The following ARPC1A variants were observed in gnomAD, a reference collection of about 807,000 sequenced individuals.
ARPC1A encodes the protein actin related protein 2/3 complex subunit 1A.
A neutral mutation model predicts 46.9 loss-of-function variants in ARPC1A; 8 were observed. That is an observed-to-expected ratio of 0.17 (90% CI 0.10 to 0.31). The LOEUF (loss-of-function observed/expected upper bound fraction) is 0.31. Among genes scored for constraint, ARPC1A ranks in the 10% least tolerant of loss-of-function variants. ARPC1A has a pLI of 1.00. For synonymous variants in ARPC1A, 152 were observed against 169.0 expected (o/e 0.90, Z 0.78); for missense variants, 286 against 483.6 (o/e 0.59, Z 3.83).
chr7:99,356,355 A>G (rs1793629096), intron 6 of ARPC1A, among the ~76,000 whole-genome samples: 1 of 152,208 alleles, frequency 6.6e-6, no homozygotes, highest in African/African-American at 2.4e-5. Context: ...CTGTAATCCC[A>G]GCACTTTGGG....
chr7:99,337,034 G>T (rs887172429), intron 2 of ARPC1A, among the ~76,000 whole-genome samples: 1 of 151,996 alleles, frequency 6.6e-6, no homozygotes, highest in African/African-American at 2.4e-5. Context: ...ATGAATACAG[G>T]TCTAGTATCC....
intron 8 of ARPC1A, chr7:99,360,024 G>A (rs1793713368): frequency 4.2e-6 from 2 of 475,430 alleles, no homozygotes; most frequent in Non-Finnish European, 7.7e-6. Flanking sequence ...AGGTGGTGGG[G>A]CCTCAGGGCA....
In ARPC1A at chr7:99,366,174, A is replaced by T. The variant is rs1173565268; in HGVS notation, c.*245A>T. 17 of 502,416 alleles carry T rather than the reference A, an allele frequency of 3.4e-5. No individual in the cohort carries two copies. In the South Asian group the frequency reaches 4.4e-4, roughly 13 times the overall value. 31.1% of individuals were successfully genotyped at this position (502,416 alleles called of 1,614,324 possible). ...AAAGCTTCTCTTTAAGTAGTTTATTATGGAAAATTGTCACACTAACTTAAA... is the reference window on the plus strand; with the variant it reads ...AAAGCTTCTCTTTAAGTAGTTTATTTTGGAAAATTGTCACACTAACTTAAA... On this transcript the variant is annotated 3_prime_UTR_variant, in exon 10 of 10. Transcript: ENST00000262942.
At chr7:99,355,980 A>G (rs1324617122) in intron 6 of ARPC1A, among the ~76,000 whole-genome samples, 1 of 152,194 alleles carries the variant, frequency 6.6e-6, no homozygotes, top group African/African-American at 2.4e-5. Context: ...GTGTCTGTTC[A>G]GCCATAAAGT....
At chr7:99,365,752 G>C (rs756629056) in intron 9 of ARPC1A, 139 bp from the exon 10 acceptor site, 8 of 884,968 alleles carry the variant, frequency 9.0e-6, no homozygotes, top group Non-Finnish European at 1.4e-5. Context: ...AGTCCTGGGA[G>C]ATCCTGTTTC....
At chr7:99,342,465 A>C (rs978503794) in intron 3 of ARPC1A, among the ~76,000 whole-genome samples, 17 of 151,862 alleles carry the variant, frequency 1.1e-4, no homozygotes, top group African/African-American at 3.9e-4. Flanking sequence ...GGATTTCATG[A>C]GCCTGGGAGG....
At chr7:99,348,320 A>G (rs1257029694) in intron 4 of ARPC1A, among the ~76,000 whole-genome samples, 1 of 152,228 alleles carries the variant, frequency 6.6e-6, no homozygotes, top group Non-Finnish European at 1.5e-5. Context: ...CTTACTAATG[A>G]GGACTGCTGA....
chr7:99,343,957 G>T (rs779716565), intron 3 of ARPC1A, among the ~76,000 whole-genome samples: 5 of 152,168 alleles, frequency 3.3e-5, no homozygotes, highest in Non-Finnish European at 7.3e-5. Context: ...TAATAAAGAG[G>T]AAAGAAAGAA....
intron 8 of ARPC1A, 71 bp from the exon 9 acceptor site, chr7:99,363,472 T>G: frequency 9.1e-7 from 1 of 1,098,558 alleles, no homozygotes; most frequent in African/African-American, 1.6e-5. Flanking sequence ...GCCCTTACAC[T>G]ATTAGTCAGG....
chr7:99,331,945 A>G (rs1428640354), intron 1 of ARPC1A, among the ~76,000 whole-genome samples: 1 of 152,102 alleles, frequency 6.6e-6, no homozygotes, highest in Non-Finnish European at 1.5e-5. Flanking sequence ...ATTATAATCA[A>G]CTTTCACTTA....
intron 8 of ARPC1A, among the ~76,000 whole-genome samples, chr7:99,362,588 C>T (rs1450328014): frequency 6.6e-6 from 1 of 150,712 alleles, no homozygotes; most frequent in Non-Finnish European, 1.5e-5. Context: ...GTGATCTGCC[C>T]ACCTCGGCCT....
chr7:99,339,252 C>G (rs1001190696), intron 3 of ARPC1A, among the ~76,000 whole-genome samples: 14 of 152,168 alleles, frequency 9.2e-5, no homozygotes, highest in Non-Finnish European at 7.3e-5. Context: ...CATACATATT[C>G]ATAAACAAGC....
chr7:99,328,725 A>C (rs962937889), intron 1 of ARPC1A, among the ~76,000 whole-genome samples: 1 of 151,944 alleles, frequency 6.6e-6, no homozygotes, highest in Non-Finnish European at 1.5e-5. Context: ...TGAAGTGGGC[A>C]GATCACTTGA....
chr7:99,338,344 T>C, intron 3 of ARPC1A, 59 bp downstream of exon 3: 1 of 1,335,242 alleles, frequency 7.5e-7, no homozygotes, highest in South Asian at 1.4e-5. Flanking sequence ...CTCTTCCTTT[T>C]AGATAAAGAG....
At chr7:99,335,190 A>G (rs1793222388) in intron 2 of ARPC1A, among the ~76,000 whole-genome samples, 1 of 152,056 alleles carries the variant, frequency 6.6e-6, no homozygotes. Context: ...GGGATGCGCT[A>G]TGTCACCCAG....
At chr7:99,352,975 A>T (rs1281088163) in intron 5 of ARPC1A, among the ~76,000 whole-genome samples, 1 of 151,744 alleles carries the variant, frequency 6.6e-6, no homozygotes, top group Non-Finnish European at 1.5e-5. Context: ...CCAAAAATAT[A>T]TATATATATA....
At chr7:99,340,160 GT>G (rs1793334390) in intron 3 of ARPC1A, among the ~76,000 whole-genome samples, 2 of 151,734 alleles carry the variant, frequency 1.3e-5, no homozygotes, top group African/African-American at 4.8e-5. Flanking sequence ...TTGTTTGTTT[GT>G]TTGTTTGTTT....
chr7:99,335,176 G>C (rs751043230), intron 2 of ARPC1A, among the ~76,000 whole-genome samples: 6 of 152,092 alleles, frequency 3.9e-5, no homozygotes, highest in Non-Finnish European at 5.9e-5. Context: ...TTTCAGTAGA[G>C]ACAGGGATGC....
chr7:99,334,030 C>T (rs867140396), intron 2 of ARPC1A, among the ~76,000 whole-genome samples: 1 of 125,754 alleles, frequency 8.0e-6, no homozygotes, highest in Non-Finnish European at 1.6e-5. Flanking sequence ...CACACACACA[C>T]ATATATATGT....
Sources: allele counts gnomAD v4.1 joint callset (sites outside exome capture counted in the v4.1 genomes callset), GRCh38; gene constraint gnomAD v4.1.1; transcripts MANE v1.5; gene names NCBI Gene and HGNC (gene_info 2026-07-23, HGNC 2026-07-21).